IRAG2: variants seen among roughly 807,000 people sequenced by gnomAD.
The protein encoded by IRAG2 is inositol 1,4,5-triphosphate receptor associated 2.
Under a neutral mutation model 69.9 loss-of-function variants are expected in IRAG2, and 45 were observed. The ratio of observed to expected loss-of-function variants is 0.64; its 90% CI spans 0.51 to 0.83. The LOEUF is 0.83. Among genes scored for constraint, IRAG2 ranks in the 40% least tolerant of loss-of-function variants. The pLI, the probability that IRAG2 is intolerant of heterozygous loss-of-function variation, is 0.00. For synonymous variants in IRAG2, 193 were observed against 202.4 expected (o/e 0.95, Z 0.40); for missense variants, 520 against 587.0 (o/e 0.89, Z 1.18).
At chr12:25,041,674 T>TG (rs1565532589) in intron 16 of IRAG2, among the ~76,000 whole-genome samples, 1 of 149,396 alleles carries the variant, frequency 6.7e-6, no homozygotes, top group Admixed American at 6.7e-5. Flanking sequence ...TTTTTTTTGT[T>TG]TTTTTTTTTT....
chr12:25,074,352 C>T (rs1458271766), intron 6 of IRAG2, among the ~76,000 whole-genome samples: 2 of 152,124 alleles, frequency 1.3e-5, no homozygotes. Context: ...AGTCATTTCC[C>T]AACATTTCCA....
intron 13 of IRAG2, 56 bp downstream of exon 13, chr12:25,089,846 T>A: frequency 1.9e-6 from 3 of 1,542,166 alleles, no homozygotes; most frequent in Non-Finnish European, 2.7e-6. Flanking sequence ...ACTCACCTGC[T>A]ACAGTCACTT....
chr12:25,028,739 G>T (rs1207233813), intron 9 of IRAG2, among the ~76,000 whole-genome samples: 2 of 152,134 alleles, frequency 1.3e-5, no homozygotes, highest in Non-Finnish European at 2.9e-5. Flanking sequence ...GTTGTTGTAT[G>T]TGTCTGAAAT....
rs1453363534 is a variant in IRAG2 at position 25,026,133 on chromosome 12, T to C, written c.1384-656T>C. Among the ~76,000 whole-genome samples, 5 of 152,108 alleles carry C rather than the reference T, an allele frequency of 3.3e-5. No homozygotes were observed. The East Asian group carries it at 9.6e-4, about 29-fold the overall frequency. On this transcript the variant is annotated intron_variant, in intron 8 of 38. Transcript: ENST00000636465. ...ACAGGTGGTCAGCTAGATTTGGTCT[T>C]TAGGGGTGGAGTGAGGGGGCTGGGC...
chr12:24,998,377 G>C, the IRAG2 span, among the ~76,000 whole-genome samples: 107 of 152,300 alleles, frequency 7.0e-4, 1 homozygote, highest in African/African-American at 2.5e-3. Flanking sequence ...CTTGTGGTTT[G>C]CAAATCATGT....
At chr12:25,022,036 G>C (rs1497264) in intron 7 of IRAG2, among the ~76,000 whole-genome samples, 5 of 152,112 alleles carry the variant, frequency 3.3e-5, no homozygotes, top group Admixed American at 3.3e-4. Context: ...TTCAAGCTCC[G>C]GCTCCAAGGG....
intron 2 of IRAG2, among the ~76,000 whole-genome samples, chr12:25,009,826 C>T (rs1944461167): frequency 6.6e-6 from 1 of 152,094 alleles, no homozygotes; most frequent in Non-Finnish European, 1.5e-5. Context: ...AAATCAATGT[C>T]CCAGTTGGAA....
chr12:25,053,566 T>G (rs1945006625), intron 1 of IRAG2, among the ~76,000 whole-genome samples: 1 of 152,078 alleles, frequency 6.6e-6, no homozygotes, highest in Admixed American at 6.6e-5. Context: ...TTACCAGAGA[T>G]TTATGTGAGA....
intron 7 of IRAG2, among the ~76,000 whole-genome samples, chr12:25,023,638 C>T (rs1014772359): frequency 6.6e-6 from 1 of 152,102 alleles, no homozygotes; most frequent in Admixed American, 6.5e-5. Context: ...TCTTTTCCTC[C>T]CTAACAACCA....
At chr12:25,086,150 G>A (rs1215737023) in intron 10 of IRAG2, among the ~76,000 whole-genome samples, 1 of 152,170 alleles carries the variant, frequency 6.6e-6, no homozygotes, top group Non-Finnish European at 1.5e-5. Context: ...GAAGTTGTGG[G>A]ACTGGTTAGG....
At chr12:25,080,644 G>A (rs374125123) in intron 9 of IRAG2, among the ~76,000 whole-genome samples, 9 of 152,100 alleles carry the variant, frequency 5.9e-5, no homozygotes, top group Non-Finnish European at 8.8e-5. Flanking sequence ...GAGCCACCGC[G>A]CCTGGCCAAG....
chr12:25,046,478 A>T (rs984143137), intron 16 of IRAG2, among the ~76,000 whole-genome samples: 1 of 152,196 alleles, frequency 6.6e-6, no homozygotes, highest in African/African-American at 2.4e-5. Flanking sequence ...ACCTGTTAGA[A>T]TAAAATTTAG....
chr12:25,102,521 A>G (rs1592104358), intron 17 of IRAG2: 1 of 411,182 alleles, frequency 2.4e-6, no homozygotes, highest in East Asian at 5.0e-5. Flanking sequence ...CAGCAGCTTC[A>G]CAAGATCCTG....
intron 7 of IRAG2, among the ~76,000 whole-genome samples, chr12:25,023,265 T>C (rs1216730143): frequency 6.6e-6 from 1 of 152,214 alleles, no homozygotes; most frequent in African/African-American, 2.4e-5. Flanking sequence ...TTCATTTTTA[T>C]ATTATAAAGG....
At chr12:25,011,401 T>C in exon 3 of IRAG2, 1 of 1,231,728 alleles carries the variant, frequency 8.1e-7, no homozygotes, top group East Asian at 3.2e-5. Flanking sequence ...ATAATCAATT[T>C]CCTGAGACAA....
intron 1 of IRAG2, among the ~76,000 whole-genome samples, chr12:25,057,175 G>T (rs1230654503): frequency 6.6e-6 from 1 of 151,620 alleles, no homozygotes; most frequent in African/African-American, 2.4e-5. Context: ...CTAATAATAA[G>T]TGTGTTTGTT....
chr12:25,016,909 T>G (rs1351917829), intron 5 of IRAG2, among the ~76,000 whole-genome samples: 1 of 152,134 alleles, frequency 6.6e-6, no homozygotes, highest in Non-Finnish European at 1.5e-5. Flanking sequence ...TGGCAAATGA[T>G]GGCTACTTGG....
intron 7 of IRAG2, among the ~76,000 whole-genome samples, chr12:25,023,140 A>G (rs980429305): frequency 8.6e-5 from 13 of 151,976 alleles, no homozygotes; most frequent in East Asian, 1.9e-4. Flanking sequence ...AAAAAAAAAA[A>G]AAAAAGAAAA....
At chr12:25,036,152 C>T (rs928261977) in intron 14 of IRAG2, among the ~76,000 whole-genome samples, 30 of 152,132 alleles carry the variant, frequency 2.0e-4, no homozygotes, top group African/African-American at 7.2e-4. Flanking sequence ...ACTGGAAACT[C>T]TGGATGATTG....
Sources: gnomAD v4.1 joint callset for allele counts (sites outside exome capture counted in the v4.1 genomes callset) on GRCh38, gnomAD v4.1.1 for gene constraint, MANE v1.5 for transcripts, NCBI Gene and HGNC (gene_info 2026-07-23, HGNC 2026-07-21) for gene names.